Variants in FBN3 observed in about 807,000 individuals in gnomAD.
The protein encoded by FBN3 is fibrillin-3.
A neutral mutation model predicts 330.1 loss-of-function variants in FBN3; 234 were observed. The ratio of observed to expected loss-of-function variants is 0.71; its 90% confidence interval spans 0.64 to 0.79. The LOEUF (loss-of-function observed/expected upper bound fraction) is 0.79, where lower values mean the gene tolerates loss of function less well. Among genes scored for constraint, FBN3 ranks in the 30% least tolerant of loss-of-function variants. The pLI is 0.00. For synonymous variants in FBN3, 1,458 were observed against 1,517.3 expected, an observed-to-expected ratio of 0.96 and a Z score of 0.91; for missense variants, 3,606 against 3,886.9, an observed-to-expected ratio of 0.93 and a Z score of 1.92.
intron 13 of FBN3, among the ~76,000 whole-genome samples, chr19:8,134,791 G>A (rs899380439): frequency 8.6e-5 from 13 of 151,350 alleles, no homozygotes; most frequent in African/African-American, 2.9e-4. Context: ...AACGTTAGCC[G>A]GGCACAGTGG....
rs1394316110 is a variant in FBN3 at position 8,112,002 on chromosome 19, C to A, written c.3936G>T (p.Trp1312Cys). 6.2e-7 allele frequency: 1 copy of A among 1,611,072 alleles called. No homozygotes were observed. The highest frequency in any genetic ancestry group is 8.5e-7 in the Non-Finnish European group (1 of 1,178,574). ...GSFSCRCLPG[W>C]VGDGFECHDL... ...CGTGACATTCGAAGCCATCCCCCACCCAGCCTGGCAGGCACCTACAGCTGA... is the reference window on the plus strand; with the variant it reads ...CGTGACATTCGAAGCCATCCCCCACACAGCCTGGCAGGCACCTACAGCTGA... Residue 1312 changes from tryptophan to cysteine, a missense_variant, in exon 31 of 64, where the codon TGG becomes TGT. Physicochemically the swap from Trp to Cys is radical, Grantham distance 215. Transcript: ENST00000600128.
chr19:8,065,540 C>A lies in FBN3; in HGVS notation c.*379G>T, dbSNP rs376911179. The A allele has an allele frequency of 8.9e-6, 2 of 224,076 alleles. No individual in the cohort carries two copies. Among genetic ancestry groups the A allele is most frequent in the Non-Finnish European group, 8.6e-6 (1 of 115,652 alleles). The allele number at this position is 224,076 out of a possible 1,614,324, so 13.9% of individuals were successfully genotyped here. ...CTCCGAGGAATAAGCCCTGTGCCCA[C>A]CCCAGTTGCCCATTGCCATGTCCTG... On this transcript the variant is annotated 3_prime_UTR_variant, in exon 64 of 64. Coordinates refer to ENST00000600128, the MANE Select transcript of FBN3 (RefSeq NM_032447.5).
In FBN3 at chr19:8,147,191, G is replaced by A. The variant is rs776378041; in HGVS notation, c.168-5C>T. ...CGGGAGCCGCACACATTCGGCCTTC[G>A]GGGACAGCGAGATGGGTCTGGTGAG... On this transcript the variant is annotated splice_region_variant and splice_polypyrimidine_tract_variant and intron_variant, in intron 2 of 63. Coordinates refer to ENST00000600128, the MANE Select transcript of FBN3 (RefSeq NM_032447.5). The A allele has an allele frequency of 2.4e-5, 38 of 1,564,856 alleles. No individual in the cohort carries two copies. The Admixed American group carries it at 2.9e-4, about 12-fold the overall frequency.
Position 8,123,555 on chromosome 19 carries a change from G to C in FBN3, c.2991C>G (p.Cys997Trp). 1 of 1,614,214 alleles carries C rather than the reference G, an allele frequency of 6.2e-7. No homozygotes were observed. The highest frequency in any genetic ancestry group is 1.3e-5 in the African/African-American group (1 of 75,054). The change falls in exon 24 of 64, where the codon TGC becomes TGG. Residue 997 changes from cysteine (C) to tryptophan (W), a missense_variant. Coordinates refer to ENST00000600128, the MANE Select transcript of FBN3 (RefSeq NM_032447.5). Reference protein sequence around the residue: ...VNECKVFPGLCTHGTCRNTVG... With the variant: ...VNECKVFPGLWTHGTCRNTVG... ...CCGTGTTTCTGCAGGTACCGTGCGT[G>C]CAGAGGCCAGGGAACACCTTGCATT...
intron 22 of FBN3, 102 bp from the exon 23 acceptor site, chr19:8,124,110 C>T (rs950778676): frequency 2.2e-5 from 23 of 1,034,460 alleles, no homozygotes; most frequent in Middle Eastern, 2.1e-4. Flanking sequence ...TTCTCCCGGA[C>T]GTAGTCAGGT....
intron 1 of FBN3, chr19:8,147,829 G>A (rs1378534220): frequency 9.5e-6 from 2 of 210,426 alleles, no homozygotes; most frequent in Non-Finnish European, 1.9e-5. Context: ...TGCAGCTTTT[G>A]CTCATTCGTC....
At position 8,136,291 on chromosome 19, in the gene FBN3, C is replaced by T. The variant is rs1213764592; in HGVS notation, c.1364G>A (p.Ser455Asn). The T allele has an allele frequency of 6.2e-7, 1 of 1,602,480 alleles. No individual in the cohort carries two copies. Among genetic ancestry groups the T allele is most frequent in the Non-Finnish European group, 8.5e-7 (1 of 1,175,526 alleles). Residue 455 changes from serine (S) to asparagine (N), a missense_variant, in exon 12 of 64, where the codon AGC (serine) becomes AAC (asparagine). Transcript: ENST00000600128. ...GCAGTCACCGTGGTGGCAGGGGCTG[C>T]TGGTGCATTCGTCTACATCTGAGGG... is the stretch of plus-strand genomic sequence containing the variant. ...GECIDVDECT[S>N]SPCHHGDCVN...
At chr19:8,135,936 G>GGGGGGGGGGGGGGGCCGC in intron 13 of FBN3, 25 bp downstream of exon 13, 1 of 668,778 alleles carries the variant, frequency 1.5e-6, no homozygotes, top group Non-Finnish European at 2.4e-6. Context: ...GGAAGCCCCT[G>GGGGGGGGGGGGGGGCCGC]CCCACCCGCC....
chr19:8,075,937 T>C (rs760358906), intron 59 of FBN3, among the ~76,000 whole-genome samples: 5 of 152,272 alleles, frequency 3.3e-5, no homozygotes, highest in Non-Finnish European at 5.9e-5. Context: ...CAAAATCCTA[T>C]GTTGAAGCCC....
rs1214188880 is a variant in FBN3 at position 8,088,222 on chromosome 19, C to G, written c.6377-43G>C. On this transcript the variant is annotated intron_variant, in intron 51 of 63. Transcript: ENST00000600128. ...GGTGGTCAGCACCTGCAGAGGGTCC[C>G]CCATCCTCAGTAGCATCCCATCTGC... 3.9e-6 allele frequency: 6 copies of G among 1,546,742 alleles called. No individual in the cohort carries two copies. In the African/African-American group the frequency reaches 8.2e-5, roughly 21 times the overall value.
intron 63 of FBN3, among the ~76,000 whole-genome samples, chr19:8,066,771 T>C (rs1024546332): frequency 1.3e-5 from 2 of 152,022 alleles, no homozygotes; most frequent in African/African-American, 4.8e-5. Flanking sequence ...CCCAGCTACT[T>C]GGGAGGCTGA....
rs373673458 is a variant in FBN3, at chr19:8,136,545, C to T, written c.1202-14G>A. 5.5e-5 allele frequency: 89 copies of T among 1,613,552 alleles called. No homozygotes were observed. The African/African-American group carries it at 7.7e-4, about 14-fold the overall frequency. Reference sequence around the variant, plus strand: ...GGGTAGCAGTGCCTACGGGTGGGGCCGGCAGAGGCATCTGAGCAGTGGCTG... The same window carrying T: ...GGGTAGCAGTGCCTACGGGTGGGGCTGGCAGAGGCATCTGAGCAGTGGCTG... On this transcript the variant is annotated splice_polypyrimidine_tract_variant and intron_variant, in intron 10 of 63. Transcript: ENST00000600128.
In FBN3 at chr19:8,125,990, C is replaced by T; in HGVS notation, c.2633G>A (p.Gly878Glu). The stretch of plus-strand genomic sequence containing the variant: ...GACGCAACGCCCGTTGGGACAGACT[C>T]CCGGGAAGGACTCACACTCGTTCAC... ...DDVNECESFP[G>E]VCPNGRCVNT... Residue 878 changes from glycine to glutamate, a missense_variant, in exon 22 of 64, where the codon GGA (glycine) becomes GAA (glutamate). Physicochemically the swap from Gly to Glu is moderately conservative, Grantham distance 98. Transcript: ENST00000600128. The T allele has an allele frequency of 6.2e-7, 1 of 1,613,904 alleles. No homozygotes were observed. Among genetic ancestry groups the T allele is most frequent in the Non-Finnish European group, 8.5e-7 (1 of 1,179,982 alleles).
Position 8,087,073 on chromosome 19 carries a change from A to C in FBN3, c.6754+4T>G. On this transcript the variant is annotated splice_donor_region_variant and intron_variant, in intron 54 of 63. Transcript: ENST00000600128. ...TGCACCCATGAAGCTCCAGTGCCCCATACCTGTGCAGCCCTCCCCAGAGCC... is the reference window on the plus strand; with the variant it reads ...TGCACCCATGAAGCTCCAGTGCCCCCTACCTGTGCAGCCCTCCCCAGAGCC... The C allele has an allele frequency of 6.2e-7, 1 of 1,606,480 alleles. No homozygotes were observed. Among genetic ancestry groups the C allele is most frequent in the Non-Finnish European group, 8.5e-7 (1 of 1,178,840 alleles).
chr19:8,084,656 G>A (rs866020127), intron 56 of FBN3, among the ~76,000 whole-genome samples: 18 of 150,186 alleles, frequency 1.2e-4, no homozygotes, highest in African/African-American at 2.7e-4. Context: ...GCGTGATCTC[G>A]TCTCACTGCA....
In FBN3 at chr19:8,147,320, A is replaced by G. The variant is rs929178401; in HGVS notation, c.161T>C (p.Leu54Ser). 1.3e-6 allele frequency: 2 copies of G among 1,596,622 alleles called. No homozygotes were observed. Among genetic ancestry groups the G allele is most frequent in the African/African-American group, 2.7e-5 (2 of 74,758 alleles). The change falls in exon 2 of 64, where the codon TTG becomes TCG. Residue 54 changes from leucine (L) to serine (S), a missense_variant. Leu to Ser is a moderately radical substitution (Grantham distance 145). Transcript: ENST00000600128. ...RVRRRGSPGI[L>S]QGPNVCGSRF... is the part of the protein sequence containing the mutation. Reference sequence around the variant, plus strand: ...CATCCCAGGTACCACGCACCCCTGCAAGATGCCTGGGCTGCCCCGCCTCCG... The same window carrying G: ...CATCCCAGGTACCACGCACCCCTGCGAGATGCCTGGGCTGCCCCGCCTCCG...
chr19:8,066,809 G>A (rs999592267), intron 63 of FBN3, among the ~76,000 whole-genome samples: 1 of 152,122 alleles, frequency 6.6e-6, no homozygotes, highest in Non-Finnish European at 1.5e-5. Flanking sequence ...AACCCGGGAG[G>A]TGGAGGTTGC....
intron 47 of FBN3, among the ~76,000 whole-genome samples, chr19:8,094,074 G>C (rs759352263): frequency 6.6e-6 from 1 of 152,124 alleles, no homozygotes; most frequent in Non-Finnish European, 1.5e-5. Flanking sequence ...GATTAGGCCA[G>C]ACTTGTTAGT....
In FBN3 at chr19:8,126,517, G is replaced by A. The variant is rs3813778; in HGVS notation, c.2505C>T (p.Cys835=). Residue 835 remains cysteine, a synonymous_variant, in exon 20 of 64, where the codon TGC becomes TGT. Transcript: ENST00000600128. ...LQGASLRSEC[C]ATLGAAWGSP... is the part of the protein sequence containing the mutation. ...TCCCCCAGGCTGCCCCGAGGGTGGC[G>A]CAGCACTCAGACCGCAGGCTGGCTC... The A allele has an allele frequency of 0.4, 651,375 of 1,612,866 alleles. 137,711 individuals carry two copies. The highest frequency in any genetic ancestry group is 0.45 in the Middle Eastern group (2,724 of 6,058).
Sources: allele counts gnomAD v4.1 joint callset (sites outside exome capture counted in the v4.1 genomes callset), GRCh38; gene constraint gnomAD v4.1.1; transcripts MANE v1.5; gene names NCBI Gene and HGNC (gene_info 2026-07-23, HGNC 2026-07-21).